Variants in EYS observed in about 807,000 individuals in gnomAD.
The protein encoded by EYS is EGF-like photoreceptor maintenance factor, also known as protein eyes shut homolog.
EYS carries 250 observed loss-of-function variants against 282.1 expected under a neutral mutation model. That is an observed-to-expected ratio of 0.89 (90% CI 0.80 to 0.98). The LOEUF (loss-of-function observed/expected upper bound fraction) is 0.98. Among genes scored for constraint, EYS ranks in the 50% least tolerant of loss-of-function variants. The pLI is 0.00. For synonymous variants in EYS, 1,355 were observed against 1,282.9 expected (o/e 1.06, Z -1.20); for missense variants, 4,016 against 3,709.0 (o/e 1.08, Z -2.15).
At chr6:65,266,989 T>TATAGAGAGAGAGAGAG (rs144200033) in intron 12 of EYS, among the ~76,000 whole-genome samples, 1 of 142,072 alleles carries the variant, frequency 7.0e-6, no homozygotes, top group Non-Finnish European at 1.5e-5. Flanking sequence ...TATATATATA[T>TATAGAGAGAGAGAGAG]AGAGAGAGAG....
chr6:64,246,045 A>C (rs1001060645), intron 30 of EYS, among the ~76,000 whole-genome samples: 5 of 139,714 alleles, frequency 3.6e-5, no homozygotes, highest in Admixed American at 2.9e-4. Flanking sequence ...AAAAAAAAAA[A>C]AGAATTTTGG....
chr6:65,434,362 C>A (rs2150386713), intron 5 of EYS, among the ~76,000 whole-genome samples: 1 of 150,938 alleles, frequency 6.6e-6, no homozygotes, highest in East Asian at 2.0e-4. Context: ...GCTCTGTTGC[C>A]CAGGCTGGAG....
At chr6:65,096,484 GA>G (rs1203150990) in intron 12 of EYS, among the ~76,000 whole-genome samples, 1 of 149,488 alleles carries the variant, frequency 6.7e-6, no homozygotes, top group Non-Finnish European at 1.5e-5. Flanking sequence ...TACAGAAATA[GA>G]AAAAAAAATT....
At position 64,069,890 on chromosome 6, in the gene EYS, A is replaced by G. The variant is rs183772850; in HGVS notation, c.6572-3399T>C. ...ATCATTACATGTTAACCTAAATAAC[A>G]TATTTTGTGAAAAGTAATTATATTT... On this transcript the variant is annotated intron_variant, in intron 32 of 42. Coordinates refer to ENST00000503581, the MANE Select transcript of EYS (RefSeq NM_001142800.2). Among the ~76,000 whole-genome samples the G allele has an allele frequency of 4.6e-5, 7 of 152,266 alleles. No individual in the cohort carries two copies. The East Asian group carries it at 1.3e-3, about 29-fold the overall frequency.
chr6:65,101,519 A>C (rs1418081276), intron 12 of EYS, among the ~76,000 whole-genome samples: 1 of 151,296 alleles, frequency 6.6e-6, no homozygotes, highest in Non-Finnish European at 1.5e-5. Flanking sequence ...TACATACAAT[A>C]TTAAGAAAGA....
intron 18 of EYS, among the ~76,000 whole-genome samples, chr6:64,891,314 T>C (rs1435107652): frequency 1.3e-5 from 2 of 152,150 alleles, no homozygotes; most frequent in South Asian, 2.1e-4. Flanking sequence ...ACAGAGCAAC[T>C]ACCTTTAATC....
At chr6:65,282,589 C>G (rs537326489) in intron 12 of EYS, among the ~76,000 whole-genome samples, 6 of 152,078 alleles carry the variant, frequency 3.9e-5, no homozygotes, top group East Asian at 1.9e-4. Context: ...AAAACTTTAA[C>G]TTGGAAAATA....
intron 26 of EYS, among the ~76,000 whole-genome samples, chr6:64,469,384 T>C (rs1776034289): frequency 6.6e-6 from 1 of 152,118 alleles, no homozygotes; most frequent in African/African-American, 2.4e-5. Flanking sequence ...AGATCTTAGA[T>C]ATGATTATAT....
chr6:65,083,681 C>A (rs969562581), intron 12 of EYS, among the ~76,000 whole-genome samples: 38 of 151,740 alleles, frequency 2.5e-4, no homozygotes, highest in African/African-American at 9.2e-4. Flanking sequence ...CATTTTCTGT[C>A]TGAACACTGA....
At chr6:65,344,506 C>CTTTT (rs1310184139) in intron 9 of EYS, among the ~76,000 whole-genome samples, 8 of 151,174 alleles carry the variant, frequency 5.3e-5, no homozygotes, top group African/African-American at 1.9e-4. Flanking sequence ...GAACACTGTC[C>CTTTT]TATAACAAAA....
chr6:63,824,633 A>G (rs1771409958), intron 36 of EYS, among the ~76,000 whole-genome samples: 1 of 152,142 alleles, frequency 6.6e-6, no homozygotes, highest in Admixed American at 6.5e-5. Flanking sequence ...CCTCCATTGG[A>G]GAAGCTGAAG....
chr6:64,131,668 A>T (rs1298526597), intron 31 of EYS, among the ~76,000 whole-genome samples: 1 of 152,190 alleles, frequency 6.6e-6, no homozygotes, highest in Non-Finnish European at 1.5e-5. Context: ...GAATATGCAG[A>T]TGAAAAATGG....
At chr6:63,979,253 A>G (rs1019747419) in intron 35 of EYS, among the ~76,000 whole-genome samples, 2 of 151,932 alleles carry the variant, frequency 1.3e-5, no homozygotes, top group Non-Finnish European at 2.9e-5. Flanking sequence ...TCCTGCTACA[A>G]TAGGAGAGTT....
chr6:64,482,991 C>T (rs914562522), intron 26 of EYS, among the ~76,000 whole-genome samples: 16 of 151,564 alleles, frequency 1.1e-4, no homozygotes, highest in African/African-American at 3.9e-4. Context: ...ATTCTATCAA[C>T]AAATTTATCA....
At chr6:64,510,225 T>C (rs1777341109) in intron 26 of EYS, among the ~76,000 whole-genome samples, 1 of 152,176 alleles carries the variant, frequency 6.6e-6, no homozygotes, top group Admixed American at 6.5e-5. Context: ...TGTTCATAAT[T>C]AATTTTCAGC....
intron 18 of EYS, among the ~76,000 whole-genome samples, chr6:64,901,371 G>A (rs1767657818): frequency 1.4e-5 from 2 of 148,076 alleles, no homozygotes; most frequent in Admixed American, 6.8e-5. Flanking sequence ...ATCTCAAAAT[G>A]TACATAAAAT....
At chr6:64,470,363 C>T (rs952615038) in intron 26 of EYS, among the ~76,000 whole-genome samples, 1 of 151,926 alleles carries the variant, frequency 6.6e-6, no homozygotes, top group African/African-American at 2.4e-5. Flanking sequence ...GAAAAACAAT[C>T]AGGGAAACAG....
intron 22 of EYS, among the ~76,000 whole-genome samples, chr6:64,749,151 A>C (rs746367291): frequency 6.6e-6 from 1 of 152,242 alleles, no homozygotes; most frequent in Non-Finnish European, 1.5e-5. Flanking sequence ...AATTTAAAAA[A>C]TATGGTATAC....
At chr6:64,473,823 C>T (rs1776191336) in intron 26 of EYS, among the ~76,000 whole-genome samples, 1 of 152,250 alleles carries the variant, frequency 6.6e-6, no homozygotes, top group Non-Finnish European at 1.5e-5. Context: ...TTAGATAAGA[C>T]TGTAGACCGC....
Sources: gnomAD v4.1 joint callset for allele counts (sites outside exome capture counted in the v4.1 genomes callset) on GRCh38, gnomAD v4.1.1 for gene constraint, MANE v1.5 for transcripts, NCBI Gene and HGNC (gene_info 2026-07-23, HGNC 2026-07-21) for gene names.